APAF1: variants seen among roughly 807,000 people sequenced by gnomAD.
APAF1 encodes apoptotic protease-activating factor 1.
APAF1 carries 91 observed loss-of-function variants against 152.4 expected under a neutral mutation model. The ratio of observed to expected loss-of-function variants is 0.60; its 90% CI spans 0.50 to 0.71. The LOEUF (loss-of-function observed/expected upper bound fraction) is 0.71. APAF1 is among the 30% of genes least tolerant of loss of function. The pLI, the probability that APAF1 is intolerant of heterozygous loss-of-function variation, is 0.00. For missense variants in APAF1, 1,283 were observed against 1,472.0 expected (o/e 0.87, Z 2.10); for synonymous variants, 484 against 494.1 (o/e 0.98, Z 0.27).
rs767272161 is a variant in APAF1 at position 98,723,676 on chromosome 12, TTGTC to T, written c.3247_3250del (p.Cys1083ThrfsTer40). On this transcript the variant is annotated frameshift_variant, in exon 24 of 27. Transcript: ENST00000551964. LOFTEE classifies it high-confidence loss of function. ...ATTACTGGAAATAAAGAAAAAGACTTTGTCTGTCACCAGGGTACAGTACTTTCTT... is the reference window on the plus strand; with the variant it reads ...ATTACTGGAAATAAAGAAAAAGACTTTGTCACCAGGGTACAGTACTTTCTT... 4.4e-6 allele frequency: 7 copies of T among 1,609,174 alleles called. No homozygotes were observed. The highest frequency in any genetic ancestry group is 1.7e-5 in the Admixed American group (1 of 59,956).
chr12:98,715,451 A>C lies in APAF1; in HGVS notation c.2983A>C (p.Ile995Leu). Residue 995 changes from isoleucine to leucine, a missense_variant, in exon 22 of 27, where the codon ATC (isoleucine) becomes CTC (leucine). Ile to Leu is a conservative substitution (Grantham distance 5, BLOSUM62 2). Coordinates refer to ENST00000551964, the MANE Select transcript of APAF1 (RefSeq NM_181861.2). ...GATTTTAGAACTTGTAAACAATAGA[A>C]TCTTCCAGTCCAGGTTTCAGCACAA... The part of the protein sequence containing the change: ...IEILELVNNR[I>L]FQSRFQHKKT... 6.2e-7 allele frequency: 1 copy of C among 1,613,452 alleles called. No individual in the cohort carries two copies. The highest frequency in any genetic ancestry group is 1.1e-5 in the South Asian group (1 of 91,044).
chr12:98,662,507 TGACA>T lies in APAF1; in HGVS notation c.764_767del (p.Asp255ValfsTer18). The T allele has an allele frequency of 6.2e-7, 1 of 1,613,718 alleles. No homozygotes were observed. The highest frequency in any genetic ancestry group is 8.5e-7 in the Non-Finnish European group (1 of 1,179,790). The stretch of plus-strand genomic sequence containing the variant: ...GGGACTCTTGGGTGTTGAAAGCTTT[TGACA>T]GTCAGTGTCAGATTCTTCTTACAAC... On this transcript the variant is annotated frameshift_variant, in exon 6 of 27. Transcript: ENST00000551964. LOFTEE classifies it high-confidence loss of function.
rs752227133 is a variant in APAF1, at chr12:98,666,232, G to T, written c.1237G>T (p.Asp413Tyr). The change falls in exon 9 of 27, where the codon GAC (aspartate) becomes TAC (tyrosine). Residue 413 changes from aspartate (D) to tyrosine (Y), a missense_variant. Coordinates refer to ENST00000551964, the MANE Select transcript of APAF1 (RefSeq NM_181861.2). ...GGACATGGAAACTGAAGAAGTTGAA[G>T]ACATACTGCAGGAGTTTGTAAATAA... is the stretch of plus-strand genomic sequence containing the variant. ...LWDMETEEVE[D>Y]ILQEFVNKSL... 5 of 1,613,916 alleles carry T rather than the reference G, an allele frequency of 3.1e-6. No individual in the cohort carries two copies. The South Asian group carries it at 5.5e-5, about 18-fold the overall frequency.
At chr12:98,698,805 G>T (rs1400328522) in intron 16 of APAF1, among the ~76,000 whole-genome samples, 1 of 152,174 alleles carries the variant, frequency 6.6e-6, no homozygotes, top group Non-Finnish European at 1.5e-5. Context: ...TTTGTCTTTT[G>T]TGCTATTCAA....
Position 98,693,077 on chromosome 12 carries a change from A to C in APAF1, c.2304+6204A>C, listed in dbSNP as rs917033224. Among the ~76,000 whole-genome samples, 3 of 151,850 alleles carry C rather than the reference A, an allele frequency of 2.0e-5. No homozygotes were observed. The East Asian group carries it at 5.8e-4, about 29-fold the overall frequency. ...TTTATTTTTTGACTAAAAAAAAAAA[A>C]CAACACATATATAAAAATTATATAG... On this transcript the variant is annotated intron_variant, in intron 16 of 26. Transcript: ENST00000551964.
At chr12:98,703,014 T>C (rs2097717307) in intron 17 of APAF1, among the ~76,000 whole-genome samples, 1 of 152,188 alleles carries the variant, frequency 6.6e-6, no homozygotes, top group Admixed American at 6.5e-5. Flanking sequence ...ATTTTGATCA[T>C]CTTCATTTAT....
chr12:98,671,293 G>A (rs778433753), intron 11 of APAF1, among the ~76,000 whole-genome samples: 59 of 152,014 alleles, frequency 3.9e-4, no homozygotes, highest in Non-Finnish European at 5.9e-4. Flanking sequence ...AAAATAAGAT[G>A]TTCAGTGGTT....
chr12:98,732,571 G>A lies in APAF1; in HGVS notation c.*5G>A, dbSNP rs2097763998. 1 of 1,540,326 alleles carries A rather than the reference G, an allele frequency of 6.5e-7. No homozygotes were observed. The highest frequency in any genetic ancestry group is 9.0e-7 in the Non-Finnish European group (1 of 1,115,852). On this transcript the variant is annotated 3_prime_UTR_variant, in exon 27 of 27. Transcript: ENST00000551964. The stretch of plus-strand genomic sequence containing the variant: ...ATTTTACAGACTTTAGAATAAAATA[G>A]TTAAGCATTAATGTAGTTGAACTTT...
intron 19 of APAF1, among the ~76,000 whole-genome samples, chr12:98,707,223 T>A (rs924563050): frequency 4.1e-4 from 63 of 152,312 alleles, no homozygotes; most frequent in African/African-American, 1.4e-3. Context: ...GGCCTTATTC[T>A]GCTCCACTCT....
Position 98,708,637 on chromosome 12 carries a change from A to T in APAF1, c.2774A>T (p.Glu925Val), listed in dbSNP as rs2097724458. 2 of 1,613,466 alleles carry T rather than the reference A, an allele frequency of 1.2e-6. No homozygotes were observed. The highest frequency in any genetic ancestry group is 2.7e-5 in the African/African-American group (2 of 74,912). Residue 925 changes from glutamate to valine, a missense_variant, in exon 20 of 27, where the codon GAA becomes GTA. Transcript: ENST00000551964. ...AACTCTGCTGTAATGTTAAAGCAAG[A>T]AGTAGATGTTGTGTTTCAAGAAAAT... Reference protein sequence around the residue: ...CKNSAVMLKQEVDVVFQENEV... With the variant: ...CKNSAVMLKQVVDVVFQENEV...
chr12:98,662,448 T>A lies in APAF1; in HGVS notation c.711-8T>A, dbSNP rs552228477. 4.5e-5 allele frequency: 71 copies of A among 1,593,966 alleles called. 3 individuals carry two copies. The South Asian group carries it at 5.5e-4, about 12-fold the overall frequency. On this transcript the variant is annotated splice_polypyrimidine_tract_variant and splice_region_variant and intron_variant, in intron 5 of 26. Transcript: ENST00000551964. The stretch of plus-strand genomic sequence containing the variant: ...TCATTAGTGATTAATATTTTTTTTT[T>A]AAATTAGGTCTCTCTTGATCTTGGA...
chr12:98,656,450 C>A (rs1404265644), intron 4 of APAF1, among the ~76,000 whole-genome samples: 2 of 152,216 alleles, frequency 1.3e-5, no homozygotes, highest in African/African-American at 2.4e-5. Flanking sequence ...TCTTCTAAGA[C>A]ATTGGCACTG....
At chr12:98,656,816 T>C (rs2097658308) in intron 4 of APAF1, among the ~76,000 whole-genome samples, 1 of 152,260 alleles carries the variant, frequency 6.6e-6, no homozygotes, top group Non-Finnish European at 1.5e-5. Flanking sequence ...GTGGGCGTTG[T>C]TCTTGCTCTC....
rs865933949 is a variant in APAF1 at position 98,659,175 on chromosome 12, G to T, written c.542G>T (p.Gly181Val). ...CCCTCACTAGGTTGTTTCCCAGGGG[G>T]AGTGCATTGGGTTTCAGTTGGGAAA... ...HSLLEGCFPG[G>V]VHWVSVGKQD... is the part of the protein sequence containing the mutation. The change falls in exon 5 of 27, where the codon GGA becomes GTA. Residue 181 changes from glycine to valine, a missense_variant. Physicochemically the swap from Gly to Val is moderately radical, Grantham distance 109 (BLOSUM62 -3). Transcript: ENST00000551964. 6.2e-7 allele frequency: 1 copy of T among 1,614,172 alleles called. No homozygotes were observed. The highest frequency in any genetic ancestry group is 8.5e-7 in the Non-Finnish European group (1 of 1,180,020).
intron 26 of APAF1, among the ~76,000 whole-genome samples, chr12:98,728,741 A>C (rs567656821): frequency 6.6e-6 from 1 of 152,280 alleles, no homozygotes; most frequent in African/African-American, 2.4e-5. Flanking sequence ...AAACAAAAAA[A>C]CCAAAAATAA....
At position 98,734,916 on chromosome 12, in the gene APAF1, A is replaced by G; in HGVS notation, c.*2350A>G. ...ACTGTTATAAAGTATAACAACACAC[A>G]TCAGGTTTTAAAAAGCCTTGAATGG... On this transcript the variant is annotated 3_prime_UTR_variant, in exon 27 of 27. Coordinates refer to ENST00000551964, the MANE Select transcript of APAF1 (RefSeq NM_181861.2). 2.9e-6 allele frequency: 1 copy of G among 340,984 alleles called. No individual in the cohort carries two copies. The allele number at this position is 340,984 out of a possible 1,614,324, so 21.1% of individuals were successfully genotyped here. A position where few individuals can be genotyped will look rare whatever the true frequency, so the allele number is the denominator to read the frequency against.
chr12:98,683,073 A>G (rs969822584), intron 14 of APAF1, 70 bp from the exon 15 acceptor site: 42 of 1,267,882 alleles, frequency 3.3e-5, no homozygotes, highest in African/African-American at 4.5e-5. Flanking sequence ...AGCAATGGAC[A>G]TTGCTTTGCC....
At chr12:98,686,925 G>C in intron 16 of APAF1, 52 bp downstream of exon 16, 1 of 1,571,020 alleles carries the variant, frequency 6.4e-7, no homozygotes, top group Non-Finnish European at 8.7e-7. Context: ...AAAGTCTTAT[G>C]ATTTGATTAT....
At chr12:98,652,754 G>A (rs1003932250) in intron 4 of APAF1, among the ~76,000 whole-genome samples, 9 of 152,048 alleles carry the variant, frequency 5.9e-5, no homozygotes, top group Non-Finnish European at 8.8e-5. Context: ...AGCCTTCTGA[G>A]TAGCTGGGAT....
Sources: allele counts gnomAD v4.1 joint callset (sites outside exome capture counted in the v4.1 genomes callset), GRCh38; gene constraint gnomAD v4.1.1; transcripts MANE v1.5; gene names NCBI Gene and HGNC (gene_info 2026-07-23, HGNC 2026-07-21).